The following TLR3 variants were observed in gnomAD, a reference collection of about 807,000 sequenced individuals.
The protein encoded by TLR3 is toll-like receptor 3.
A neutral mutation model predicts 66.4 loss-of-function variants in TLR3; 43 were observed. That is an observed-to-expected ratio of 0.65 (90% confidence interval 0.51 to 0.83). The LOEUF is 0.83. Ranked by LOEUF, TLR3 falls within the 40% of genes least tolerant of loss-of-function variation. The pLI, the probability that TLR3 is intolerant of heterozygous loss-of-function variation, is 0.00. For synonymous variants in TLR3, 397 were observed against 397.2 expected (o/e 1.00, Z 0.01); for missense variants, 982 against 1,044.6 (o/e 0.94, Z 0.83).
In TLR3 at chr4:186,085,331, A is replaced by AT. The variant is rs2099304187; in HGVS notation, c.*464dup. 1.3e-5 allele frequency: 2 copies of AT among 156,436 alleles called. No homozygotes were observed. The highest frequency in any genetic ancestry group is 2.8e-5 in the Non-Finnish European group (2 of 70,898). 9.7% of individuals were successfully genotyped at this position (156,436 alleles called of 1,614,324 possible). A position where few individuals can be genotyped will look rare whatever the true frequency, so the allele number is the denominator to read the frequency against. ...TATTTTTAACAAGTTTAATTACAGT[A>AT]TTTTTTCAATGGAAAAACTTTGTAT... is the stretch of plus-strand genomic sequence containing the variant. On this transcript the variant is annotated 3_prime_UTR_variant, in exon 5 of 5. Coordinates refer to ENST00000296795, the MANE Select transcript of TLR3 (RefSeq NM_003265.3).
chr4:186,084,568 A>G, intron 4 of TLR3, 77 bp from the exon 5 acceptor site: 1 of 994,822 alleles, frequency 1.0e-6, no homozygotes, highest in Non-Finnish European at 1.6e-6. Flanking sequence ...TTTAAACTCT[A>G]CAGAGTATTT....
chr4:186,073,678 T>A (rs13108688), intron 1 of TLR3, among the ~76,000 whole-genome samples: 39,979 of 152,034 alleles, frequency 0.26, 5,779 homozygotes, highest in Middle Eastern at 0.4. Flanking sequence ...ATCTAAGTAA[T>A]GGGAGTAGGA....
intron 3 of TLR3, among the ~76,000 whole-genome samples, chr4:186,080,703 TG>T (rs2099303273): frequency 6.6e-6 from 1 of 152,184 alleles, no homozygotes; most frequent in South Asian, 2.1e-4. Context: ...GCGATTCTCC[TG>T]TCTCAGCCTC....
rs1478206819 is a variant in TLR3 at position 186,087,125 on chromosome 4, GA to G, written c.*2254del. On this transcript the variant is annotated 3_prime_UTR_variant, in exon 5 of 5. Transcript: ENST00000296795. ...AGTTACAGTGATTTACTTGGTGGTA[GA>G]ATGTTGGGATTTTTCCATTTGATTG... 4 of 152,162 alleles carry G rather than the reference GA, an allele frequency of 2.6e-5. No individual in the cohort carries two copies. The highest frequency in any genetic ancestry group is 9.7e-5 in the African/African-American group (4 of 41,434). The allele number at this position is 152,162 out of a possible 1,614,324, so 9.4% of individuals were successfully genotyped here.
In TLR3 at chr4:186,087,092, T is replaced by A. The variant is rs2099304480; in HGVS notation, c.*2219T>A. ...TACGCAAATGAATAGCTGTCACAGC[T>A]GAGGTAGAGTTACAGTGATTTACTT... On this transcript the variant is annotated 3_prime_UTR_variant, in exon 5 of 5. Coordinates refer to ENST00000296795, the MANE Select transcript of TLR3 (RefSeq NM_003265.3). 6.6e-6 allele frequency: 1 copy of A among 152,236 alleles called. No individual in the cohort carries two copies. Among genetic ancestry groups the A allele is most frequent in the African/African-American group, 2.4e-5 (1 of 41,458 alleles). 9.4% of individuals were successfully genotyped at this position (152,236 alleles called of 1,614,324 possible).
At chr4:186,071,303 T>G (rs909342924) in intron 1 of TLR3, among the ~76,000 whole-genome samples, 9 of 152,234 alleles carry the variant, frequency 5.9e-5, no homozygotes, top group Admixed American at 1.3e-4. Context: ...TGTAATGGAT[T>G]AGTCCTTCTC....
chr4:186,072,997 G>A (rs1212046365), intron 1 of TLR3, among the ~76,000 whole-genome samples: 8 of 152,208 alleles, frequency 5.3e-5, no homozygotes, highest in South Asian at 4.2e-4. Flanking sequence ...CCATAGCAAC[G>A]GAAAAGGCAA....
At position 186,078,928 on chromosome 4, in the gene TLR3, T is replaced by G. The variant is rs2099302929; in HGVS notation, c.530T>G (p.Leu177Arg). ...CAGCTGGAAAATCTCCAAGAGCTTCTATTATCAAACAATAAAATTCAAGCG... is the reference window on the plus strand; with the variant it reads ...CAGCTGGAAAATCTCCAAGAGCTTCGATTATCAAACAATAAAATTCAAGCG... ...QVQLENLQEL[L>R]LSNNKIQALK... is the part of the protein sequence containing the mutation. The change falls in exon 3 of 5, where the codon CTA (leucine) becomes CGA (arginine). Residue 177 changes from leucine to arginine, a missense_variant. By Grantham distance (102) the Leu-to-Arg change is moderately radical (BLOSUM62 -2). Coordinates refer to ENST00000296795, the MANE Select transcript of TLR3 (RefSeq NM_003265.3). The G allele has an allele frequency of 6.2e-7, 1 of 1,613,920 alleles. No homozygotes were observed.
chr4:186,083,988 G>T lies in TLR3; in HGVS notation c.2302G>T (p.Asp768Tyr), dbSNP rs2099303961. The T allele has an allele frequency of 6.2e-7, 1 of 1,614,040 alleles. No homozygotes were observed. Among genetic ancestry groups the T allele is most frequent in the African/African-American group, 1.3e-5 (1 of 74,926 alleles). The stretch of plus-strand genomic sequence containing the variant: ...TATAATTCATGCCTATAAAGATAAG[G>T]ATTGGGTCTGGGAACATTTCTCTTC... ...AYIIHAYKDK[D>Y]WVWEHFSSME... is the part of the protein sequence containing the mutation. Residue 768 changes from aspartate to tyrosine, a missense_variant, in exon 4 of 5, where the codon GAT becomes TAT. Physicochemically the swap from Asp to Tyr is radical, Grantham distance 160 (BLOSUM62 -3). Coordinates refer to ENST00000296795, the MANE Select transcript of TLR3 (RefSeq NM_003265.3). This position sits in a 1 kb window ranked among gnomAD's most constrained non-coding sequence, Gnocchi z 4.0.
chr4:186,082,249 A>AAG, intron 3 of TLR3, 71 bp from the exon 4 acceptor site: 1 of 913,454 alleles, frequency 1.1e-6, no homozygotes, highest in East Asian at 2.6e-5. Context: ...AAAAAAAAAA[A>AAG]AAGGCTTTCA....
chr4:186,080,462 G>A (rs925242665), intron 3 of TLR3, among the ~76,000 whole-genome samples: 19 of 151,962 alleles, frequency 1.3e-4, no homozygotes, highest in Non-Finnish European at 2.6e-4. Flanking sequence ...AAGGAAAAAC[G>A]ATAGCTTAAA....
Position 186,083,862 on chromosome 4 carries a change from G to A in TLR3, c.2176G>A (p.Glu726Lys), listed in dbSNP as rs2150068142. ...CTTTATTGTACTTCTCATCCACTTT[G>A]AGGGCTGGAGGATATCTTTTTATTG... is the stretch of plus-strand genomic sequence containing the variant. The part of the protein sequence containing the change: ...FIFIVLLIHF[E>K]GWRISFYWNV... Residue 726 changes from glutamate (E) to lysine (K), a missense_variant, in exon 4 of 5, where the codon GAG becomes AAG. This residue lies in a region of TLR3 where 666 missense variants were observed against 709.0 expected (regional missense o/e 0.94). Transcript: ENST00000296795. This position sits in a 1 kb window ranked among gnomAD's most constrained non-coding sequence, Gnocchi z 4.0. 1.9e-6 allele frequency: 3 copies of A among 1,614,124 alleles called. No individual in the cohort carries two copies. Among genetic ancestry groups the A allele is most frequent in the Non-Finnish European group, 2.5e-6 (3 of 1,180,022 alleles).
At chr4:186,075,524 G>A (rs1272117103) in intron 1 of TLR3, among the ~76,000 whole-genome samples, 1 of 152,088 alleles carries the variant, frequency 6.6e-6, no homozygotes, top group Non-Finnish European at 1.5e-5. Flanking sequence ...CAGCTACTTG[G>A]GAGGCTGAGG....
intron 1 of TLR3, among the ~76,000 whole-genome samples, chr4:186,073,036 C>G (rs183491404): frequency 7.2e-5 from 11 of 152,158 alleles, no homozygotes; most frequent in Non-Finnish European, 1.6e-4. Flanking sequence ...TGGGAGGTTT[C>G]GCTCACTGAA....
In TLR3 at chr4:186,084,370, G is replaced by A. The variant is rs746876925; in HGVS notation, c.2486+198G>A. On this transcript the variant is annotated intron_variant, in intron 4 of 4. Coordinates refer to ENST00000296795, the MANE Select transcript of TLR3 (RefSeq NM_003265.3). ...CAAGTAGTTGGGATTACAGGCACGC[G>A]CCACCAAGCCTGGCTAATTTTTGTA... is the stretch of plus-strand genomic sequence containing the variant. Among the ~76,000 whole-genome samples the A allele has an allele frequency of 3.4e-4, 52 of 152,038 alleles. 1 individual carries two copies. Among genetic ancestry groups the A allele is most frequent in the Middle Eastern group, 6.8e-3 (2 of 294 alleles).
In TLR3 at chr4:186,084,014, A is replaced by G. The variant is rs370090850; in HGVS notation, c.2328A>G (p.Ser776=). The G allele has an allele frequency of 2.8e-5, 45 of 1,614,176 alleles. No individual in the cohort carries two copies. In the African/African-American group the frequency reaches 5.2e-4, roughly 19 times the overall value. The change falls in exon 4 of 5, where the codon TCA becomes TCG. Residue 776 remains serine, a synonymous_variant. Coordinates refer to ENST00000296795, the MANE Select transcript of TLR3 (RefSeq NM_003265.3). ...ATTGGGTCTGGGAACATTTCTCTTC[A>G]ATGGAAAAGGAAGACCAATCTCTCA... ...DKDWVWEHFS[S]MEKEDQSLKF...
At chr4:186,069,417 A>G (rs1403992971) in intron 1 of TLR3, among the ~76,000 whole-genome samples, 169 bp downstream of exon 1, 2 of 152,344 alleles carry the variant, frequency 1.3e-5, no homozygotes, top group Non-Finnish European at 2.9e-5. Context: ...AAGGGATATG[A>G]TATGGGCATG....
At position 186,083,725 on chromosome 4, in the gene TLR3, C is replaced by T. The variant is rs2150068111; in HGVS notation, c.2039C>T (p.Pro680Leu). ...TCAAGCCACTACCTTTGCAACACTCCACCTCACTATCATGGGTTCCCAGTG... is the reference window on the plus strand; with the variant it reads ...TCAAGCCACTACCTTTGCAACACTCTACCTCACTATCATGGGTTCCCAGTG... The part of the protein sequence containing the change: ...ELSSHYLCNT[P>L]PHYHGFPVRL... The change falls in exon 4 of 5, where the codon CCA (proline) becomes CTA (leucine). Residue 680 changes from proline to leucine, a missense_variant. By Grantham distance (98) the Pro-to-Leu change is moderately conservative (BLOSUM62 -3). Transcript: ENST00000296795. This position sits in a 1 kb window ranked among gnomAD's most constrained non-coding sequence, Gnocchi z 4.0. The T allele has an allele frequency of 6.2e-7, 1 of 1,611,570 alleles. No homozygotes were observed. Among genetic ancestry groups the T allele is most frequent in the Non-Finnish European group, 8.5e-7 (1 of 1,178,816 alleles).
intron 3 of TLR3, among the ~76,000 whole-genome samples, chr4:186,079,424 C>G (rs973706934): frequency 2.6e-5 from 4 of 152,126 alleles, no homozygotes; most frequent in Admixed American, 2.6e-4. Flanking sequence ...GGTCTCTGGG[C>G]TTTGTCTTTT....
Sources: allele counts gnomAD v4.1 joint callset (sites outside exome capture counted in the v4.1 genomes callset), GRCh38; gene constraint gnomAD v4.1.1; regional missense constraint gnomAD v4.1.1; non-coding constraint Gnocchi (gnomAD v3.1); transcripts MANE v1.5; gene names NCBI Gene and HGNC (gene_info 2026-07-23, HGNC 2026-07-21).